The following THRB variants were observed in gnomAD, a reference collection of about 807,000 sequenced individuals.
THRB encodes thyroid hormone receptor beta.
Under a neutral mutation model 47.8 loss-of-function variants are expected in THRB, and 12 were observed. The observed-to-expected ratio is 0.25, with a 90% CI of 0.16 to 0.41. The LOEUF is 0.41. Ranked by LOEUF, THRB falls within the 10% of genes least tolerant of loss-of-function variation. The probability of loss-of-function intolerance (pLI) is 1.00; values close to 1 mark genes in which losing one functional copy is unlikely to be tolerated. For synonymous variants in THRB, 218 were observed against 212.2 expected, an observed-to-expected ratio of 1.03 and a Z score of -0.24; for missense variants, 348 against 589.2, an observed-to-expected ratio of 0.59 and a Z score of 4.24.
intron 1 of THRB, among the ~76,000 whole-genome samples, chr3:24,463,615 G>A (rs555364168): frequency 6.6e-6 from 1 of 152,146 alleles, no homozygotes; most frequent in South Asian, 2.1e-4. Context: ...AAAGGCACAG[G>A]TAAATATGTT....
At chr3:24,490,248 T>C (rs1467267292) in intron 1 of THRB, among the ~76,000 whole-genome samples, 2 of 152,186 alleles carry the variant, frequency 1.3e-5, no homozygotes, top group African/African-American at 4.8e-5. Flanking sequence ...AGAATGACTT[T>C]AAATAAAACA....
At chr3:24,407,233 A>T (rs2067897439) in intron 1 of THRB, among the ~76,000 whole-genome samples, 1 of 151,844 alleles carries the variant, frequency 6.6e-6, no homozygotes, top group South Asian at 2.1e-4. Context: ...TCCCTCAGGA[A>T]TACGACCCTT....
rs574447448 is a variant in THRB at position 24,388,170 on chromosome 3, C to T, written c.-260-50799G>A. Among the ~76,000 whole-genome samples the T allele has an allele frequency of 7.9e-5, 12 of 152,238 alleles. 1 individual carries two copies. In the South Asian group the frequency reaches 1.7e-3, roughly 21 times the overall value. On this transcript the variant is annotated intron_variant, in intron 1 of 10. Coordinates refer to ENST00000646209, the MANE Select transcript of THRB (RefSeq NM_001354712.2). Reference sequence around the variant, plus strand: ...GTCATTCCCCTTCCCAAGCAACCCACGTCCAGTGATTGGTTCATGCCAAGG... The same window carrying T: ...GTCATTCCCCTTCCCAAGCAACCCATGTCCAGTGATTGGTTCATGCCAAGG...
intron 1 of THRB, among the ~76,000 whole-genome samples, chr3:24,472,512 T>A (rs1293340716): frequency 1.3e-5 from 2 of 152,214 alleles, no homozygotes; most frequent in African/African-American, 4.8e-5. Context: ...AAGGGGCTTT[T>A]ACACAAAGCC....
rs79972593 is a variant in THRB, at chr3:24,152,289, G to A, written c.384+101C>T. 4,013 of 704,146 alleles carry A rather than the reference G, an allele frequency of 5.7e-3. 120 individuals are homozygous for A. In the African/African-American group the frequency reaches 0.062, roughly 11 times the overall value. 43.6% of individuals were successfully genotyped at this position (704,146 alleles called of 1,614,324 possible). A position where few individuals can be genotyped will look rare whatever the true frequency, so the allele number is the denominator to read the frequency against. ...TCACAGACCATGGATGTTAGAATTT[G>A]ATTTTAATTTGAATTTAAACTTAAC... On this transcript the variant is annotated intron_variant, in intron 6 of 10. Transcript: ENST00000646209.
At chr3:24,169,159 C>T (rs1171850260) in intron 5 of THRB, among the ~76,000 whole-genome samples, 3 of 152,160 alleles carry the variant, frequency 2.0e-5, no homozygotes, top group Admixed American at 6.5e-5. Context: ...TTTAGTTGGG[C>T]TCATGGCCCC....
At chr3:24,285,000 C>A (rs1386291832) in intron 3 of THRB, among the ~76,000 whole-genome samples, 2 of 152,054 alleles carry the variant, frequency 1.3e-5, no homozygotes, top group African/African-American at 2.4e-5. Context: ...TAAACTAGTT[C>A]AACCATTGTG....
chr3:24,450,377 T>C (rs536726341), intron 1 of THRB, among the ~76,000 whole-genome samples: 1 of 152,346 alleles, frequency 6.6e-6, no homozygotes, highest in East Asian at 1.9e-4. Context: ...TGATATGCCC[T>C]GACGTTTATT....
At chr3:24,152,342 G>T in intron 6 of THRB, 48 bp downstream of exon 6, 1 of 972,680 alleles carries the variant, frequency 1.0e-6, no homozygotes, top group Non-Finnish European at 1.7e-6. Flanking sequence ...GACTGGGAGG[G>T]GACTGGAGCT....
At chr3:24,275,065 T>C (rs1033699222) in intron 3 of THRB, among the ~76,000 whole-genome samples, 1 of 152,210 alleles carries the variant, frequency 6.6e-6, no homozygotes, top group Non-Finnish European at 1.5e-5. Context: ...TAGTTCTTGA[T>C]TTACACGGCA....
In THRB at chr3:24,303,989, T is replaced by A. The variant is rs147285677; in HGVS notation, c.-188-6618A>T. 4.0e-3 allele frequency among the ~76,000 whole-genome samples: 605 copies of A among 152,346 alleles called. 9 individuals carry two copies. The highest frequency in any genetic ancestry group is 0.034 in the East Asian group (175 of 5,190). The stretch of plus-strand genomic sequence containing the variant: ...CTTTTGAGATGGCTTTGGAATGTAC[T>A]TGGTAATATTTTATTCCAAAGTTTG... On this transcript the variant is annotated intron_variant, in intron 2 of 10. Coordinates refer to ENST00000646209, the MANE Select transcript of THRB (RefSeq NM_001354712.2).
chr3:24,465,686 G>C (rs998345676), intron 1 of THRB, among the ~76,000 whole-genome samples: 4 of 152,276 alleles, frequency 2.6e-5, no homozygotes, highest in Admixed American at 2.6e-4. Flanking sequence ...TTACATACTT[G>C]AGTCAGCGCA....
At chr3:24,385,106 A>G (rs976716105) in intron 1 of THRB, among the ~76,000 whole-genome samples, 11 of 152,140 alleles carry the variant, frequency 7.2e-5, no homozygotes, top group Admixed American at 2.0e-4. Flanking sequence ...TCTGATTGTC[A>G]TTTCTAAGGT....
chr3:24,337,821 G>C (rs2062361850), intron 1 of THRB, among the ~76,000 whole-genome samples: 1 of 151,970 alleles, frequency 6.6e-6, no homozygotes, highest in South Asian at 2.1e-4. Context: ...CTGTCGGGTG[G>C]GGCACTGCCA....
At chr3:24,233,603 G>GAAAGAAAA (rs2048543812) in intron 3 of THRB, among the ~76,000 whole-genome samples, 1 of 150,688 alleles carries the variant, frequency 6.6e-6, no homozygotes, top group Non-Finnish European at 1.5e-5. Flanking sequence ...AAGAAAGAAA[G>GAAAGAAAA]AAAGAAAGAA....
intron 1 of THRB, among the ~76,000 whole-genome samples, chr3:24,347,585 C>G (rs2063101494): frequency 6.6e-6 from 1 of 150,534 alleles, no homozygotes; most frequent in East Asian, 1.9e-4. Context: ...AAGAATTTTT[C>G]TTTTTCTTTT....
At chr3:24,479,020 C>G (rs185420157) in intron 1 of THRB, among the ~76,000 whole-genome samples, 1 of 152,104 alleles carries the variant, frequency 6.6e-6, no homozygotes, top group Non-Finnish European at 1.5e-5. Context: ...ATAATGCGGC[C>G]GGGCGCGGGG....
chr3:24,459,592 C>T (rs998008283), intron 1 of THRB, among the ~76,000 whole-genome samples: 2 of 152,134 alleles, frequency 1.3e-5, no homozygotes, highest in Admixed American at 6.6e-5. Flanking sequence ...AGTGTGAAAG[C>T]GTTCCTCTTT....
chr3:24,298,896 T>C (rs962355656), intron 2 of THRB, among the ~76,000 whole-genome samples: 4 of 152,256 alleles, frequency 2.6e-5, no homozygotes, highest in Non-Finnish European at 5.9e-5. Context: ...CTTTATGAAC[T>C]ATAGTTCTCA....
Sources: gnomAD v4.1 joint callset for allele counts (sites outside exome capture counted in the v4.1 genomes callset) on GRCh38, gnomAD v4.1.1 for gene constraint, MANE v1.5 for transcripts, NCBI Gene and HGNC (gene_info 2026-07-23, HGNC 2026-07-21) for gene names.